The following DSCAM variants were observed in gnomAD, a reference collection of about 807,000 sequenced individuals.
DSCAM encodes the protein cell adhesion molecule DSCAM.
DSCAM carries 47 observed loss-of-function variants against 217.7 expected under a neutral mutation model. That is an observed-to-expected ratio of 0.22 (90% CI 0.17 to 0.28). DSCAM has a LOEUF of 0.28. Ranked by LOEUF, DSCAM falls within the 10% of genes least tolerant of loss-of-function variation. The pLI, the probability that DSCAM is intolerant of heterozygous loss-of-function variation, is 1.00. For synonymous variants in DSCAM, 1,056 were observed against 1,015.3 expected, an observed-to-expected ratio of 1.04 and a Z score of -0.76; for missense variants, 2,080 against 2,618.3, an observed-to-expected ratio of 0.79 and a Z score of 4.49.
chr21:40,690,987 G>A (rs1288077776), intron 3 of DSCAM, among the ~76,000 whole-genome samples: 2 of 152,116 alleles, frequency 1.3e-5, no homozygotes, highest in Non-Finnish European at 1.5e-5. Flanking sequence ...TGGGTATTAG[G>A]CTTAACACCT....
intron 3 of DSCAM, among the ~76,000 whole-genome samples, chr21:40,508,777 ATATATATTTT>A (rs2076234457): frequency 4.6e-4 from 2 of 4,334 alleles, no homozygotes; most frequent in South Asian, 7.0e-3. Flanking sequence ...ATATATATAT[ATATATATTTT>A]TTTTTTTTTT....
rs1476077472 is a variant in DSCAM at position 40,545,955 on chromosome 21, C to A, written c.508+146855G>T. On this transcript the variant is annotated intron_variant, in intron 3 of 32. Transcript: ENST00000400454. ...CCAGTGGGAAACCTTGGTGGGTTTC[C>A]AGCCTTGGCGAGCCTTTGTTCCCTC... Among the ~76,000 whole-genome samples the A allele has an allele frequency of 2.0e-5, 3 of 152,156 alleles. No individual in the cohort carries two copies. In the East Asian group the frequency reaches 5.8e-4, roughly 29 times the overall value.
intron 1 of DSCAM, among the ~76,000 whole-genome samples, chr21:40,720,627 A>G (rs989511649): frequency 2.0e-5 from 3 of 152,300 alleles, no homozygotes; most frequent in African/African-American, 4.8e-5. Context: ...ACACAGAAAC[A>G]AGAACTGGAT....
chr21:40,516,834 T>C (rs558607039), intron 3 of DSCAM, among the ~76,000 whole-genome samples: 104 of 151,504 alleles, frequency 6.9e-4, no homozygotes, highest in African/African-American at 2.4e-3. Flanking sequence ...CTGGATCTTG[T>C]TTATTCATTA....
chr21:40,199,819 T>C (rs1601433655), intron 11 of DSCAM, among the ~76,000 whole-genome samples: 1 of 152,054 alleles, frequency 6.6e-6, no homozygotes. Flanking sequence ...AAATATCTAA[T>C]GCATGCAGGG....
At chr21:40,110,729 T>C (rs1178924573) in intron 20 of DSCAM, among the ~76,000 whole-genome samples, 33 of 152,176 alleles carry the variant, frequency 2.2e-4, no homozygotes, top group Admixed American at 2.1e-3. Flanking sequence ...AAGGACCTGA[T>C]GGAGCTGAAA....
chr21:40,504,326 C>T (rs903224251), intron 3 of DSCAM, among the ~76,000 whole-genome samples: 3 of 152,134 alleles, frequency 2.0e-5, no homozygotes, highest in Admixed American at 6.5e-5. Context: ...GAATCAGGTC[C>T]CAGCAATGGT....
intron 1 of DSCAM, among the ~76,000 whole-genome samples, chr21:40,839,096 CTTATATA>C (rs1318908901): frequency 6.6e-6 from 1 of 152,142 alleles, no homozygotes; most frequent in African/African-American, 2.4e-5. Context: ...CATGATCTCA[CTTATATA>C]TGGAATCTTA....
At position 40,239,359 on chromosome 21, in the gene DSCAM, C is replaced by T. The variant is rs189479637; in HGVS notation, c.2356+36738G>A. On this transcript the variant is annotated intron_variant, in intron 11 of 32. Coordinates refer to ENST00000400454, the MANE Select transcript of DSCAM (RefSeq NM_001389.5). Reference sequence around the variant, plus strand: ...CCTATAACAACATTGCTTTAGATCACAAGATAGAGAAGTAGGCCTGTTTTG... The same window carrying T: ...CCTATAACAACATTGCTTTAGATCATAAGATAGAGAAGTAGGCCTGTTTTG... 8.5e-5 allele frequency among the ~76,000 whole-genome samples: 13 copies of T among 152,070 alleles called. No individual in the cohort carries two copies. In the East Asian group the frequency reaches 2.3e-3, roughly 27 times the overall value.
intron 1 of DSCAM, among the ~76,000 whole-genome samples, chr21:40,770,914 G>A (rs1303809210): frequency 1.3e-5 from 2 of 152,176 alleles, no homozygotes; most frequent in African/African-American, 2.4e-5. Flanking sequence ...AAACAGAAGA[G>A]GTAGAAAGGG....
intron 19 of DSCAM, 96 bp downstream of exon 19, chr21:40,133,758 G>A (rs1340103041): frequency 3.5e-6 from 5 of 1,441,718 alleles, no homozygotes; most frequent in Non-Finnish European, 4.6e-6. Flanking sequence ...TTTGCACTGA[G>A]AATAGCCTGA....
intron 3 of DSCAM, among the ~76,000 whole-genome samples, chr21:40,402,978 C>A (rs2075250409): frequency 6.7e-6 from 1 of 150,368 alleles, no homozygotes; most frequent in African/African-American, 2.5e-5. Context: ...TACCCCCCCA[C>A]CCCATAATTC....
At chr21:40,014,156 C>T (rs959213932) in intron 32 of DSCAM, among the ~76,000 whole-genome samples, 3 of 152,168 alleles carry the variant, frequency 2.0e-5, no homozygotes, top group South Asian at 2.1e-4. Context: ...TTCGGGAGGC[C>T]GAGGCGGAAG....
intron 3 of DSCAM, among the ~76,000 whole-genome samples, chr21:40,495,860 A>C (rs572851038): frequency 6.6e-6 from 1 of 152,190 alleles, no homozygotes; most frequent in Non-Finnish European, 1.5e-5. Flanking sequence ...ACACATAAAA[A>C]GTAGTAGAAT....
chr21:40,843,368 A>G (rs1053581995), intron 1 of DSCAM, among the ~76,000 whole-genome samples: 85 of 146,164 alleles, frequency 5.8e-4, no homozygotes, highest in Non-Finnish European at 9.3e-4. Flanking sequence ...GAATGCATGC[A>G]TGTGTGTGTG....
At chr21:40,321,608 T>C (rs1180113342) in intron 8 of DSCAM, among the ~76,000 whole-genome samples, 1 of 151,366 alleles carries the variant, frequency 6.6e-6, no homozygotes, top group Non-Finnish European at 1.5e-5. Context: ...GTGTCCTAAC[T>C]GGTCATTCTT....
intron 3 of DSCAM, among the ~76,000 whole-genome samples, chr21:40,561,387 C>A (rs1327732165): frequency 6.6e-6 from 1 of 152,204 alleles, no homozygotes. Flanking sequence ...ATGCTGACTA[C>A]ACGTCGTTCC....
intron 3 of DSCAM, among the ~76,000 whole-genome samples, chr21:40,427,932 C>G (rs752010816): frequency 1.3e-5 from 2 of 152,182 alleles, no homozygotes; most frequent in Non-Finnish European, 2.9e-5. Flanking sequence ...CCAAATGATA[C>G]TGATTAATCA....
chr21:40,458,559 CAAGTT>C (rs1569132217), intron 3 of DSCAM, among the ~76,000 whole-genome samples: 1 of 151,894 alleles, frequency 6.6e-6, no homozygotes, highest in African/African-American at 2.4e-5. Flanking sequence ...GCAAAAGGAA[CAAGTT>C]AATAAAAACG....
Sources: allele counts gnomAD v4.1 joint callset (sites outside exome capture counted in the v4.1 genomes callset), GRCh38; gene constraint gnomAD v4.1.1; transcripts MANE v1.5; gene names NCBI Gene and HGNC (gene_info 2026-07-23, HGNC 2026-07-21).